Variants in ZFYVE26 observed in about 807,000 individuals in gnomAD.
The protein encoded by ZFYVE26 is zinc finger FYVE-type containing 26.
Under a neutral mutation model 276.5 loss-of-function variants are expected in ZFYVE26, and 181 were observed. That is an observed-to-expected ratio of 0.65 (90% CI 0.58 to 0.74). The LOEUF is 0.74. Ranked by LOEUF, ZFYVE26 falls within the 30% of genes least tolerant of loss-of-function variation. ZFYVE26 has a pLI of 0.00. For synonymous variants in ZFYVE26, 1,129 were observed against 1,203.1 expected (o/e 0.94, Z 1.27); for missense variants, 2,821 against 3,097.9 (o/e 0.91, Z 2.12).
At chr14:67,812,650 G>A (rs953372784) in intron 3 of ZFYVE26, among the ~76,000 whole-genome samples, 2 of 152,122 alleles carry the variant, frequency 1.3e-5, no homozygotes, top group Admixed American at 1.3e-4. Context: ...TGTGAACCTG[G>A]GAAAAACAAG....
intron 24 of ZFYVE26, 90 bp downstream of exon 24, chr14:67,778,036 C>A (rs572180386): frequency 6.4e-7 from 1 of 1,566,046 alleles, no homozygotes; most frequent in Admixed American, 1.7e-5. Context: ...GCTGAGATTG[C>A]ATGGGATTCA....
intron 25 of ZFYVE26, among the ~76,000 whole-genome samples, chr14:67,776,989 T>C (rs2039361729): frequency 6.6e-6 from 1 of 152,250 alleles, no homozygotes; most frequent in Non-Finnish European, 1.5e-5. Flanking sequence ...TGGAGGTTTC[T>C]TCTATTAATG....
chr14:67,746,266 G>A (rs949132169), downstream of ZFYVE26, among the ~76,000 whole-genome samples: 2 of 150,336 alleles, frequency 1.3e-5, no homozygotes, highest in South Asian at 2.1e-4. Context: ...CCTTATAAAC[G>A]TATTACCTAT....
At chr14:67,799,496 C>A in intron 10 of ZFYVE26, 3 of 1,605,556 alleles carry the variant, frequency 1.9e-6, no homozygotes, top group East Asian at 4.5e-5. Flanking sequence ...TCAGAGCAGA[C>A]AAAAGGATCG....
rs781071524 is a variant in ZFYVE26 at position 67,739,440 on chromosome 14, C to T, written n.2680-9621G>A. Among the ~76,000 whole-genome samples, 9 of 152,130 alleles carry T rather than the reference C, an allele frequency of 5.9e-5. No homozygotes were observed. The South Asian group carries it at 1.9e-3, about 31-fold the overall frequency. ...TAAATTGACCTTATTAAGTCTGTGT[C>T]CTACTGATGCTATCGTATTATGTTG... On this transcript the variant is annotated intron_variant and non_coding_transcript_variant, in intron 13 of 14. Transcript: ENST00000394455.
At chr14:67,735,136 G>C in intron 13 of ZFYVE26, 1 of 831,854 alleles carries the variant, frequency 1.2e-6, no homozygotes, top group Non-Finnish European at 2.1e-6. Context: ...CATGGGTGTT[G>C]ATTCGACATG....
intron 14 of ZFYVE26, among the ~76,000 whole-genome samples, chr14:67,791,830 A>T (rs1407174339): frequency 1.3e-5 from 2 of 150,576 alleles, no homozygotes; most frequent in East Asian, 3.9e-4. Context: ...GAGGCCAAGG[A>T]GGGTGGATCA....
chr14:67,735,228 G>A, intron 13 of ZFYVE26: 2 of 1,447,532 alleles, frequency 1.4e-6, no homozygotes, highest in South Asian at 1.1e-5. Context: ...TGGTGTTCAG[G>A]TGCTCCCACG....
In ZFYVE26 at chr14:67,777,569, A is replaced by G; in HGVS notation, c.4964T>C (p.Val1655Ala). The change falls in exon 25 of 42, where the codon GTG becomes GCG. Residue 1655 changes from valine to alanine, a missense_variant. Physicochemically the swap from Val to Ala is moderately conservative, Grantham distance 64. Transcript: ENST00000347230. ...ACGGTGTATCCTTACCTTGGATCCC[A>G]CATACAGCGCCTGGATTTCACGGTG... ...VRHREIQALY[V>A]GSKILLTLPE... The G allele has an allele frequency of 1.2e-6, 2 of 1,613,886 alleles. No individual in the cohort carries two copies. The highest frequency in any genetic ancestry group is 1.7e-6 in the Non-Finnish European group (2 of 1,179,980).
intron 26 of ZFYVE26, among the ~76,000 whole-genome samples, chr14:67,775,586 C>T (rs2039320851): frequency 6.6e-6 from 1 of 152,180 alleles, no homozygotes; most frequent in East Asian, 1.9e-4. Context: ...TATATCAAGG[C>T]CAGACAGAGA....
At chr14:67,794,590 C>T (rs2039906405) in intron 12 of ZFYVE26, among the ~76,000 whole-genome samples, 1 of 152,154 alleles carries the variant, frequency 6.6e-6, no homozygotes, top group African/African-American at 2.4e-5. Context: ...ACTGTTATGA[C>T]CAGGGAGTGG....
chr14:67,786,581 G>C (rs4569184), intron 16 of ZFYVE26, among the ~76,000 whole-genome samples: 85,973 of 152,166 alleles, frequency 0.56, 26,360 homozygotes, highest in East Asian at 0.85. Context: ...ATTGCTTTAA[G>C]TGGTATCTTG....
chr14:67,752,663 T>A, intron 39 of ZFYVE26, 137 bp from the exon 40 acceptor site: 1 of 981,864 alleles, frequency 1.0e-6, no homozygotes, highest in Non-Finnish European at 1.6e-6. Context: ...AACATAAATA[T>A]ACCAAACAAA....
intron 30 of ZFYVE26, among the ~76,000 whole-genome samples, 191 bp from the exon 31 acceptor site, chr14:67,768,031 A>T (rs939184177): frequency 4.6e-5 from 7 of 152,082 alleles, no homozygotes; most frequent in African/African-American, 1.4e-4. Context: ...CCAGGCATAG[A>T]CCTGAGGCGA....
intron 26 of ZFYVE26, 76 bp downstream of exon 26, chr14:67,775,784 A>G: frequency 6.2e-7 from 1 of 1,608,690 alleles, no homozygotes; most frequent in Admixed American, 1.7e-5. Context: ...TTAAAAGGGG[A>G]GCAAATTAAA....
rs2040033492 is a variant in ZFYVE26 at position 67,799,414 on chromosome 14, G to A, written c.1640-792C>T. On this transcript the variant is annotated intron_variant, in intron 10 of 41. Coordinates refer to ENST00000347230, the MANE Select transcript of ZFYVE26 (RefSeq NM_015346.4). ...CAAGGAAAAGGAGGGCTCAGGAAGAGGCCAAAGAAGCAGAAACGAGCAGAA... is the reference window on the plus strand; with the variant it reads ...CAAGGAAAAGGAGGGCTCAGGAAGAAGCCAAAGAAGCAGAAACGAGCAGAA... 1.9e-6 allele frequency: 3 copies of A among 1,613,002 alleles called. No homozygotes were observed. In the South Asian group the frequency reaches 3.3e-5, roughly 18 times the overall value.
In ZFYVE26 at chr14:67,798,446, C is replaced by T. The variant is rs370565100; in HGVS notation, c.1816G>A (p.Glu606Lys). 1.2e-6 allele frequency: 2 copies of T among 1,613,968 alleles called. No individual in the cohort carries two copies. The highest frequency in any genetic ancestry group is 1.3e-5 in the African/African-American group (1 of 74,892). The change falls in exon 11 of 42, where the codon GAG becomes AAG. Residue 606 changes from glutamate (E) to lysine (K), a missense_variant. Physicochemically the swap from Glu to Lys is moderately conservative, Grantham distance 56. Coordinates refer to ENST00000347230, the MANE Select transcript of ZFYVE26 (RefSeq NM_015346.4). The part of the protein sequence containing the change: ...PEDYAEDDDI[E>K]GKSPSGLRSP... Reference sequence around the variant, plus strand: ...CTCAAACCTGAGGGGCTCTTCCCCTCAATGTCATCATCCTCAGCATAGTCC... The same window carrying T: ...CTCAAACCTGAGGGGCTCTTCCCCTTAATGTCATCATCCTCAGCATAGTCC...
intron 13 of ZFYVE26, chr14:67,735,104 T>G: frequency 1.3e-6 from 1 of 768,682 alleles, no homozygotes; most frequent in Admixed American, 1.8e-5. Context: ...CAGCAAAGAA[T>G]GCAAAAGAAA....
At chr14:67,742,838 C>CTTCTTTTTT (rs769663149), downstream of ZFYVE26, among the ~76,000 whole-genome samples, 320 of 89,748 alleles carry the variant, frequency 3.6e-3, no homozygotes, top group Non-Finnish European at 5.2e-3. Flanking sequence ...TCTTCTTCTT[C>CTTCTTTTTT]TTTTTTTTTT....
Sources: gnomAD v4.1 joint callset for allele counts (sites outside exome capture counted in the v4.1 genomes callset) on GRCh38, gnomAD v4.1.1 for gene constraint, MANE v1.5 for transcripts, NCBI Gene and HGNC (gene_info 2026-07-23, HGNC 2026-07-21) for gene names.